The following CDC42BPB variants were observed in gnomAD, a reference collection of about 807,000 sequenced individuals.
CDC42BPB encodes CDC42 binding protein kinase beta, also known as serine/threonine-protein kinase MRCK beta.
CDC42BPB carries 37 observed loss-of-function variants against 214.9 expected under a neutral mutation model. The observed-to-expected ratio is 0.17, with a 90% confidence interval of 0.13 to 0.23. The LOEUF (loss-of-function observed/expected upper bound fraction) is 0.23, where lower values mean the gene tolerates loss of function less well. CDC42BPB is among the 10% of genes least tolerant of loss of function. The probability of loss-of-function intolerance (pLI) is 1.00; values close to 1 mark genes in which losing one functional copy is unlikely to be tolerated. For synonymous variants in CDC42BPB, 931 were observed against 884.0 expected (o/e 1.05, Z -0.94); for missense variants, 1,694 against 2,227.0 (o/e 0.76, Z 4.82).
At chr14:102,992,677 C>T (rs1894546739) in intron 5 of CDC42BPB, among the ~76,000 whole-genome samples, 1 of 151,684 alleles carries the variant, frequency 6.6e-6, no homozygotes, top group South Asian at 2.1e-4. Flanking sequence ...ACTTTAGCAG[C>T]TTTGACACAA....
intron 34 of CDC42BPB, among the ~76,000 whole-genome samples, chr14:102,938,847 C>CA (rs996675220): frequency 8.6e-5 from 13 of 152,032 alleles, no homozygotes; most frequent in Non-Finnish European, 1.8e-4. Flanking sequence ...AGGCTGGTCT[C>CA]AAACTCCTGA....
intron 11 of CDC42BPB, among the ~76,000 whole-genome samples, chr14:102,974,898 A>G (rs1893667048): frequency 6.6e-6 from 1 of 152,202 alleles, no homozygotes; most frequent in Non-Finnish European, 1.5e-5. Flanking sequence ...GTGAGCCGAG[A>G]TCATGCCACT....
chr14:102,973,382 T>C (rs1893573189), intron 12 of CDC42BPB, among the ~76,000 whole-genome samples: 1 of 152,236 alleles, frequency 6.6e-6, no homozygotes, highest in South Asian at 2.1e-4. Context: ...AAAACACGCA[T>C]ATAATTGTGT....
chr14:102,975,370 A>T (rs1045970118), intron 11 of CDC42BPB, among the ~76,000 whole-genome samples: 3 of 152,106 alleles, frequency 2.0e-5, no homozygotes, highest in Non-Finnish European at 4.4e-5. Flanking sequence ...CTAAAAATAC[A>T]AAATTAGCCG....
chr14:103,012,365 C>A, intron 1 of CDC42BPB, 177 bp from the exon 2 acceptor site: 1 of 875,434 alleles, frequency 1.1e-6, no homozygotes, highest in South Asian at 5.3e-5. Context: ...GATGTGGATC[C>A]TGAGCAACTG....
At chr14:102,992,408 C>T (rs959917063) in intron 5 of CDC42BPB, among the ~76,000 whole-genome samples, 2 of 152,190 alleles carry the variant, frequency 1.3e-5, no homozygotes, top group Non-Finnish European at 2.9e-5. Context: ...AGACACAGTA[C>T]CTGCCATGCA....
rs1888391734 is a variant in CDC42BPB, at chr14:103,048,017, C to CA, written c.175+8981dup. On this transcript the variant is annotated intron_variant, in intron 1 of 36. Coordinates refer to ENST00000361246, the MANE Select transcript of CDC42BPB (RefSeq NM_006035.4). Reference sequence around the variant, plus strand: ...ACCAAAAGATGAAAGACACAGAATCCAGAAAGGGGAATTCAACAGAGGAAA... The same window carrying CA: ...ACCAAAAGATGAAAGACACAGAATCCAAGAAAGGGGAATTCAACAGAGGAAA... Among the ~76,000 whole-genome samples, 3 of 151,844 alleles carry CA rather than the reference C, an allele frequency of 2.0e-5. No individual in the cohort carries two copies. In the South Asian group the frequency reaches 6.2e-4, roughly 31 times the overall value.
intron 1 of CDC42BPB, among the ~76,000 whole-genome samples, chr14:103,037,061 T>C (rs1484182593): frequency 1.3e-5 from 2 of 151,992 alleles, no homozygotes; most frequent in African/African-American, 2.4e-5. Context: ...CCACCTCTTA[T>C]AGGCGTGAGC....
Position 102,933,637 on chromosome 14 carries a change from G to A in CDC42BPB, c.*75C>T. On this transcript the variant is annotated 3_prime_UTR_variant, in exon 37 of 37. Coordinates refer to ENST00000361246, the MANE Select transcript of CDC42BPB (RefSeq NM_006035.4). ...TTCTACATTTCCTTGGACAACACTG[G>A]AGGGCCCGCTCAGTCTTGGCACTGA... is the stretch of plus-strand genomic sequence containing the variant. 8.3e-7 allele frequency: 1 copy of A among 1,199,330 alleles called. No individual in the cohort carries two copies. Among genetic ancestry groups the A allele is most frequent in the South Asian group, 2.0e-5 (1 of 50,666 alleles). 74.3% of individuals were successfully genotyped at this position (1,199,330 alleles called of 1,614,324 possible). A position where few individuals can be genotyped will look rare whatever the true frequency, so the allele number is the denominator to read the frequency against.
Position 103,057,116 on chromosome 14 carries a change from G to A in CDC42BPB, c.58C>T (p.Arg20Cys). 6.6e-7 allele frequency: 1 copy of A among 1,519,646 alleles called. No homozygotes were observed. The allele number at this position is 1,519,646 out of a possible 1,614,324, so 94.1% of individuals were successfully genotyped here. A position where few individuals can be genotyped will look rare whatever the true frequency, so the allele number is the denominator to read the frequency against. ...LEQLLLDGPW[R>C]NESALSVETL... ...TCCACGCTCAGGGCGCTCTCGTTGCGCCAGGGCCCGTCCAGGAGCAGCTGC... is the reference window on the plus strand; with the variant it reads ...TCCACGCTCAGGGCGCTCTCGTTGCACCAGGGCCCGTCCAGGAGCAGCTGC... The change falls in exon 1 of 37, where the codon CGC (arginine) becomes TGC (cysteine). Residue 20 changes from arginine (R) to cysteine (C), a missense_variant. By Grantham distance (180) the Arg-to-Cys change is radical. This residue lies in a region of CDC42BPB where 83 missense variants were observed against 79.9 expected (regional missense o/e 1.04). Coordinates refer to ENST00000361246, the MANE Select transcript of CDC42BPB (RefSeq NM_006035.4).
intron 19 of CDC42BPB, 30 bp downstream of exon 19, chr14:102,964,472 T>C (rs753823176): frequency 6.2e-7 from 1 of 1,611,226 alleles, no homozygotes; most frequent in South Asian, 1.1e-5. Context: ...CCACTGCTCC[T>C]ACCTGGAGTC....
intron 14 of CDC42BPB, among the ~76,000 whole-genome samples, chr14:102,969,345 T>G (rs1437363619): frequency 6.6e-6 from 1 of 152,096 alleles, no homozygotes; most frequent in African/African-American, 2.4e-5. Flanking sequence ...GGAGGGTAGC[T>G]GCTGGACAGC....
chr14:103,034,300 G>A (rs1325458844), intron 1 of CDC42BPB, among the ~76,000 whole-genome samples: 1 of 152,188 alleles, frequency 6.6e-6, no homozygotes, highest in African/African-American at 2.4e-5. Context: ...AGGATCACTT[G>A]AGGCCAGGAG....
chr14:103,055,095 A>T (rs1056593339), intron 1 of CDC42BPB, among the ~76,000 whole-genome samples: 2 of 152,260 alleles, frequency 1.3e-5, no homozygotes, highest in African/African-American at 4.8e-5. Flanking sequence ...TGACAGTGGA[A>T]CTGTGTGGGT....
chr14:103,006,072 A>G (rs1402106279), intron 3 of CDC42BPB, among the ~76,000 whole-genome samples: 1 of 151,972 alleles, frequency 6.6e-6, no homozygotes, highest in African/African-American at 2.4e-5. Context: ...TCTACTAATG[A>G]CAACATGACA....
At chr14:102,978,328 C>G in intron 8 of CDC42BPB, 123 bp from the exon 9 acceptor site, 7 of 1,509,468 alleles carry the variant, frequency 4.6e-6, no homozygotes, top group Non-Finnish European at 6.2e-6. Context: ...TTGGAGAATG[C>G]GGATTCCATG....
intron 1 of CDC42BPB, among the ~76,000 whole-genome samples, chr14:103,028,318 C>T (rs1054957301): frequency 2.6e-5 from 4 of 152,260 alleles, no homozygotes; most frequent in South Asian, 4.1e-4. Context: ...ATTGTGGCTA[C>T]GAGTAAGCAC....
chr14:102,985,705 C>T (rs996847973), intron 6 of CDC42BPB, among the ~76,000 whole-genome samples: 7 of 152,214 alleles, frequency 4.6e-5, no homozygotes, highest in African/African-American at 1.7e-4. Flanking sequence ...ATTGCTCTCT[C>T]GGAAAACTAT....
rs1892140750 is a variant in CDC42BPB at position 102,945,870 on chromosome 14, A to T, written c.3749-146T>A. ...CATTCCAGGGATGTGACACTTCAGT[A>T]TCGGGGGTGACTTTCTCTCTACACG... On this transcript the variant is annotated intron_variant, in intron 28 of 36. Transcript: ENST00000361246. 4.1e-5 allele frequency: 28 copies of T among 677,778 alleles called. No individual in the cohort carries two copies. In the South Asian group the frequency reaches 4.8e-4, roughly 12 times the overall value. 42.0% of individuals were successfully genotyped at this position (677,778 alleles called of 1,614,324 possible).
Sources: allele counts gnomAD v4.1 joint callset (sites outside exome capture counted in the v4.1 genomes callset), GRCh38; gene constraint gnomAD v4.1.1; regional missense constraint gnomAD v4.1.1; transcripts MANE v1.5; gene names NCBI Gene and HGNC (gene_info 2026-07-23, HGNC 2026-07-21).